Variants in KAZN observed in about 807,000 individuals in gnomAD.
KAZN encodes kazrin.
Under a neutral mutation model 87.4 loss-of-function variants are expected in KAZN, and 40 were observed. The observed-to-expected ratio is 0.46, with a 90% CI of 0.36 to 0.60. The LOEUF is 0.60. Ranked by LOEUF, KAZN falls within the 20% of genes least tolerant of loss-of-function variation. The pLI is 0.00. For missense variants in KAZN, 898 were observed against 1,073.9 expected (o/e 0.84, Z 2.29); for synonymous variants, 466 against 458.3 (o/e 1.02, Z -0.22).
intron 2 of KAZN, among the ~76,000 whole-genome samples, chr1:14,580,968 TG>T (rs1675510266): frequency 6.6e-6 from 1 of 152,152 alleles, no homozygotes; most frequent in Non-Finnish European, 1.5e-5. Flanking sequence ...CTTTTTTGCT[TG>T]TGTCTCCTTA....
At chr1:14,576,439 CAATGGATGGATGGATGGATATATT>C in intron 2 of KAZN, among the ~76,000 whole-genome samples, 1 of 148,622 alleles carries the variant, frequency 6.7e-6, no homozygotes, top group Non-Finnish European at 1.5e-5. Flanking sequence ...ATGAATGGAA[CAATGGATGGATGGATGGATATATT>C]AATGGATGGA....
At chr1:14,565,115 A>G (rs891411465) in intron 2 of KAZN, among the ~76,000 whole-genome samples, 2 of 152,098 alleles carry the variant, frequency 1.3e-5, no homozygotes, top group Admixed American at 6.6e-5. Context: ...AGCATTACCC[A>G]TACAGTTGGA....
chr1:14,808,184 C>T (rs935467625), intron 1 of KAZN, among the ~76,000 whole-genome samples: 27 of 151,246 alleles, frequency 1.8e-4, no homozygotes, highest in Middle Eastern at 3.4e-3. Context: ...AAAGCAAAGG[C>T]GGTGTATGTT....
chr1:14,475,664 C>A lies in KAZN; in HGVS notation c.250-123319C>A, dbSNP rs555960186. On this transcript the variant is annotated intron_variant, in intron 2 of 16. Transcript: ENST00000636203. Reference sequence around the variant, plus strand: ...TTCAGTATTTCAATTTTTTAATTCACAATCCTGAATTCCCTTTGATGGTTT... The same window carrying A: ...TTCAGTATTTCAATTTTTTAATTCAAAATCCTGAATTCCCTTTGATGGTTT... Among the ~76,000 whole-genome samples the A allele has an allele frequency of 2.1e-4, 32 of 152,268 alleles. 1 individual carries two copies. The highest frequency in any genetic ancestry group is 7.5e-4 in the African/African-American group (31 of 41,556).
chr1:14,874,999 T>A (rs1652591428), intron 1 of KAZN, among the ~76,000 whole-genome samples: 1 of 152,054 alleles, frequency 6.6e-6, no homozygotes, highest in Non-Finnish European at 1.5e-5. Context: ...TGGAGATTCC[T>A]CCATGTTAAA....
At chr1:14,816,316 G>A (rs2100805847) in intron 1 of KAZN, among the ~76,000 whole-genome samples, 1 of 152,306 alleles carries the variant, frequency 6.6e-6, no homozygotes, top group South Asian at 2.1e-4. Context: ...TCACAAGGCT[G>A]CAATCCTTGT....
At chr1:14,682,226 G>A (rs1030905982) in intron 1 of KAZN, among the ~76,000 whole-genome samples, 7 of 151,020 alleles carry the variant, frequency 4.6e-5, no homozygotes, top group Non-Finnish European at 1.0e-4. Flanking sequence ...ATACAGTATT[G>A]TTCTTTTGTG....
intron 1 of KAZN, among the ~76,000 whole-genome samples, chr1:14,766,625 T>G (rs1176016232): frequency 6.8e-6 from 1 of 147,456 alleles, no homozygotes; most frequent in Admixed American, 6.9e-5. Context: ...TAGTATGCAC[T>G]GGGCGGTGTG....
At chr1:14,419,974 A>G (rs918951863) in intron 2 of KAZN, among the ~76,000 whole-genome samples, 15 of 151,900 alleles carry the variant, frequency 9.9e-5, no homozygotes, top group African/African-American at 3.4e-4. Flanking sequence ...GGGGATTGCC[A>G]CTCCCGGCTC....
Position 14,782,554 on chromosome 1 carries a change from CAAAAAAAAA to C in KAZN, c.227-178114_227-178106del, listed in dbSNP as rs71572122. On this transcript the variant is annotated intron_variant, in intron 1 of 14. Transcript: ENST00000376030. ...CAGGGCAAGACTCCACCTCAAAGAG[CAAAAAAAAA>C]AAAAAAAAAAAAAAAGAAAAGAAAA... Among the ~76,000 whole-genome samples, 212 of 66,280 alleles carry C rather than the reference CAAAAAAAAA, an allele frequency of 3.2e-3. 2 individuals carry two copies. The Admixed American group carries it at 0.042, about 13-fold the overall frequency. The allele number at this position is 66,280 out of a possible 152,430, so 43.5% of individuals were successfully genotyped here.
At chr1:14,960,607 C>T in intron 1 of KAZN, 77 bp from the exon 2 acceptor site, 1 of 1,491,944 alleles carries the variant, frequency 6.7e-7, no homozygotes. Context: ...GCCAAAGCCA[C>T]CTCAAACCAT....
intron 1 of KAZN, among the ~76,000 whole-genome samples, chr1:14,755,748 A>G (rs1318112786): frequency 6.6e-6 from 1 of 152,204 alleles, no homozygotes; most frequent in Non-Finnish European, 1.5e-5. Flanking sequence ...TGGTGCTTTA[A>G]TGATCACTCA....
chr1:14,358,206 T>C (rs546921254), intron 2 of KAZN, among the ~76,000 whole-genome samples: 11 of 152,300 alleles, frequency 7.2e-5, no homozygotes, highest in African/African-American at 2.6e-4. Flanking sequence ...TTTATTTCCA[T>C]AGAGGTGTTT....
chr1:14,710,857 A>G (rs1447832223), intron 1 of KAZN, among the ~76,000 whole-genome samples: 1 of 152,186 alleles, frequency 6.6e-6, no homozygotes, highest in Non-Finnish European at 1.5e-5. Context: ...GACTGGGAAC[A>G]GTGCCTGGCA....
chr1:14,370,764 A>G (rs1023271184), intron 2 of KAZN, among the ~76,000 whole-genome samples: 5 of 152,182 alleles, frequency 3.3e-5, no homozygotes, highest in Non-Finnish European at 5.9e-5. Flanking sequence ...GGCTCACTGC[A>G]GCCTGGACCT....
intron 2 of KAZN, among the ~76,000 whole-genome samples, chr1:14,381,761 G>A (rs758841807): frequency 1.3e-5 from 2 of 152,064 alleles, no homozygotes; most frequent in African/African-American, 2.4e-5. Context: ...TCTAAGATCA[G>A]GAACACAACA....
chr1:14,396,004 C>CA (rs1346258748), intron 2 of KAZN, among the ~76,000 whole-genome samples: 5 of 151,728 alleles, frequency 3.3e-5, no homozygotes, highest in East Asian at 1.9e-4. Flanking sequence ...CCCATCTCTA[C>CA]AAAAAATACA....
chr1:14,975,657 A>G (rs1665518437), intron 2 of KAZN, among the ~76,000 whole-genome samples: 1 of 152,228 alleles, frequency 6.6e-6, no homozygotes, highest in African/African-American at 2.4e-5. Flanking sequence ...TCCTCCCAGC[A>G]GCCCTGTGAG....
intron 1 of KAZN, among the ~76,000 whole-genome samples, chr1:13,923,671 T>TGAG (rs140028682): frequency 0.034 from 5,114 of 151,164 alleles, 239 homozygotes; most frequent in African/African-American, 0.11. Flanking sequence ...AGTAGGCTGA[T>TGAG]GAGGAGGAGG....
Sources: allele counts gnomAD v4.1 joint callset (sites outside exome capture counted in the v4.1 genomes callset), GRCh38; gene constraint gnomAD v4.1.1; transcripts MANE v1.5; gene names NCBI Gene and HGNC (gene_info 2026-07-23, HGNC 2026-07-21).